Variants in HRH1 observed in about 807,000 individuals in gnomAD.
HRH1 encodes the protein histamine H1 receptor.
In HRH1, 6 loss-of-function variants were observed where a neutral mutation model predicts 10.3. The observed-to-expected ratio is 0.58, with a 90% CI of 0.32 to 1.15. The LOEUF is 1.15. Among genes scored for constraint, HRH1 ranks in the 50% most tolerant of loss-of-function variants. HRH1 has a pLI of 0.05. For synonymous variants in HRH1, 242 were observed against 236.7 expected (o/e 1.02, Z -0.21); for missense variants, 514 against 615.3 (o/e 0.84, Z 1.74).
At chr3:11,253,683 A>G (rs1939709379) in intron 1 of HRH1, among the ~76,000 whole-genome samples, 1 of 151,972 alleles carries the variant, frequency 6.6e-6, no homozygotes, top group Non-Finnish European at 1.5e-5. Flanking sequence ...TATTGTTGTT[A>G]TCTCATTGAG....
At chr3:11,225,571 A>G (rs1193164299) in intron 1 of HRH1, among the ~76,000 whole-genome samples, 1 of 152,120 alleles carries the variant, frequency 6.6e-6, no homozygotes, top group Non-Finnish European at 1.5e-5. Flanking sequence ...GCACCTCCCC[A>G]CTTCTTGGCT....
intron 1 of HRH1, among the ~76,000 whole-genome samples, chr3:11,204,742 G>A (rs143983274): frequency 1.8e-3 from 277 of 152,314 alleles, no homozygotes; most frequent in African/African-American, 6.3e-3. Context: ...TTACAAATGA[G>A]AAAACAGAGG....
At chr3:11,150,972 C>A (rs556697576), upstream of HRH1, among the ~76,000 whole-genome samples, 1 of 152,336 alleles carries the variant, frequency 6.6e-6, no homozygotes, top group East Asian at 1.9e-4. Context: ...TCTTGCCTCT[C>A]CAGGACCCCT....
At chr3:11,196,838 G>C (rs1052166451) in intron 1 of HRH1, among the ~76,000 whole-genome samples, 4 of 151,736 alleles carry the variant, frequency 2.6e-5, no homozygotes, top group Non-Finnish European at 5.9e-5. Flanking sequence ...GTCCGGGCAC[G>C]GTAGCTCACG....
At position 11,260,020 on chromosome 3, in the gene HRH1, A is replaced by G. The variant is rs1939901862; in HGVS notation, c.983A>G (p.His328Arg). The part of the protein sequence containing the change: ...SRDYVAVNRS[H>R]GQLKTDEQGL... ...GACTATGTAGCCGTCAACCGGAGCCATGGCCAGCTCAAGACAGATGAGCAG... is the reference window on the plus strand; with the variant it reads ...GACTATGTAGCCGTCAACCGGAGCCGTGGCCAGCTCAAGACAGATGAGCAG... The change falls in exon 2 of 2, where the codon CAT (histidine) becomes CGT (arginine). Residue 328 changes from histidine (H) to arginine (R), a missense_variant. Coordinates refer to ENST00000431010, the MANE Select transcript of HRH1 (RefSeq NM_001098212.2). 8.7e-6 allele frequency: 14 copies of G among 1,614,196 alleles called. No individual in the cohort carries two copies. The highest frequency in any genetic ancestry group is 1.2e-5 in the Non-Finnish European group (14 of 1,180,032).
intron 1 of HRH1, among the ~76,000 whole-genome samples, chr3:11,229,236 T>C (rs554215326): frequency 6.6e-6 from 1 of 152,252 alleles, no homozygotes; most frequent in South Asian, 2.1e-4. Flanking sequence ...TAAACATAAA[T>C]GAAATGCTAA....
intron 1 of HRH1, among the ~76,000 whole-genome samples, chr3:11,212,533 T>C (rs905917958): frequency 1.3e-5 from 2 of 152,180 alleles, no homozygotes; most frequent in Non-Finnish European, 2.9e-5. Context: ...AGTCCTGTGC[T>C]GTGGGAGCCT....
intron 1 of HRH1, among the ~76,000 whole-genome samples, chr3:11,158,408 G>C (rs888948123): frequency 3.3e-5 from 5 of 152,232 alleles, no homozygotes; most frequent in African/African-American, 1.2e-4. Flanking sequence ...AACAGGTTCA[G>C]AGGGGTTGGT....
At chr3:11,190,101 G>A (rs1937513087) in intron 1 of HRH1, among the ~76,000 whole-genome samples, 1 of 152,110 alleles carries the variant, frequency 6.6e-6, no homozygotes, top group African/African-American at 2.4e-5. Context: ...CCTGATGGAT[G>A]TTTATACAAA....
chr3:11,219,958 T>A (rs548048207), intron 1 of HRH1, among the ~76,000 whole-genome samples: 29 of 150,726 alleles, frequency 1.9e-4, no homozygotes, highest in African/African-American at 6.3e-4. Context: ...TTGTTTTTTT[T>A]TTTTTTTTTT....
intron 1 of HRH1, among the ~76,000 whole-genome samples, chr3:11,181,515 C>T (rs1253959021): frequency 6.6e-6 from 1 of 151,646 alleles, no homozygotes; most frequent in Non-Finnish European, 1.5e-5. Context: ...GAAGTACTAT[C>T]TCATTGTGGT....
chr3:11,258,646 G>T (rs1939849135), intron 1 of HRH1, among the ~76,000 whole-genome samples: 1 of 152,182 alleles, frequency 6.6e-6, no homozygotes, highest in African/African-American at 2.4e-5. Flanking sequence ...TTAGACACAT[G>T]AGGATGCAGC....
intron 1 of HRH1, among the ~76,000 whole-genome samples, chr3:11,187,063 T>G (rs1015956135): frequency 1.3e-5 from 2 of 152,132 alleles, no homozygotes. Flanking sequence ...TAAAATAATC[T>G]CAGGGTTATA....
chr3:11,183,094 G>A (rs951397168), intron 1 of HRH1, among the ~76,000 whole-genome samples: 4 of 152,140 alleles, frequency 2.6e-5, no homozygotes, highest in African/African-American at 9.7e-5. Flanking sequence ...TCATCTCTTA[G>A]ACCCACTGGA....
intron 1 of HRH1, among the ~76,000 whole-genome samples, chr3:11,245,852 A>C (rs113075026): frequency 6.8e-4 from 103 of 152,144 alleles, no homozygotes; most frequent in African/African-American, 2.4e-3. Flanking sequence ...TCCCTACTTT[A>C]AAGGTGAGTA....
At chr3:11,254,971 T>C (rs1159311341) in intron 1 of HRH1, among the ~76,000 whole-genome samples, 1 of 152,168 alleles carries the variant, frequency 6.6e-6, no homozygotes, top group East Asian at 1.9e-4. Context: ...GATTTAAAAT[T>C]GAATAGGGTC....
At position 11,187,499 on chromosome 3, in the gene HRH1, G is replaced by C. The variant is rs148946683; in HGVS notation, c.-36+32945G>C. On this transcript the variant is annotated intron_variant, in intron 1 of 1. Coordinates refer to ENST00000431010, the MANE Select transcript of HRH1 (RefSeq NM_001098212.2). ...CACTCAACGTTACTGAGCCCATTCT[G>C]TAAAATGGGGGCAAAACCTACCCTG... Among the ~76,000 whole-genome samples the C allele has an allele frequency of 2.8e-4, 43 of 152,258 alleles. 1 individual carries two copies. In the East Asian group the frequency reaches 5.2e-3, roughly 18 times the overall value.
intron 1 of HRH1, among the ~76,000 whole-genome samples, chr3:11,222,131 A>T (rs571049810): frequency 6.6e-6 from 1 of 152,226 alleles, no homozygotes; most frequent in Admixed American, 6.5e-5. Context: ...CAGATTGTAC[A>T]GGGGAGCATC....
intron 1 of HRH1, among the ~76,000 whole-genome samples, chr3:11,241,986 A>G (rs1036905484): frequency 4.6e-5 from 7 of 152,184 alleles, no homozygotes; most frequent in South Asian, 2.1e-4. Flanking sequence ...AAAGTAGCCA[A>G]TAGTGGGGAC....
Sources: allele counts gnomAD v4.1 joint callset (sites outside exome capture counted in the v4.1 genomes callset), GRCh38; gene constraint gnomAD v4.1.1; transcripts MANE v1.5; gene names NCBI Gene and HGNC (gene_info 2026-07-23, HGNC 2026-07-21).